RCOR1: variants seen among roughly 807,000 people sequenced by gnomAD.
RCOR1 encodes the protein REST corepressor.
In RCOR1, 12 loss-of-function variants were observed where a neutral mutation model predicts 64.0. The ratio of observed to expected loss-of-function variants is 0.19; its 90% CI spans 0.12 to 0.30. RCOR1 has a LOEUF of 0.30. Among genes scored for constraint, RCOR1 ranks in the 10% least tolerant of loss-of-function variants. RCOR1 has a pLI of 1.00. For synonymous variants in RCOR1, 279 were observed against 227.2 expected (o/e 1.23, Z -2.05); for missense variants, 502 against 621.2 (o/e 0.81, Z 2.04).
chr14:102,717,533 GATCTCACAGA>G (rs1367834369), intron 8 of RCOR1, among the ~76,000 whole-genome samples: 5 of 152,146 alleles, frequency 3.3e-5, no homozygotes, highest in Admixed American at 2.0e-4. Context: ...TGGCCTGCCT[GATCTCACAGA>G]ATATGTCTGG....
chr14:102,684,145 G>T (rs1045619975), intron 3 of RCOR1, among the ~76,000 whole-genome samples: 1 of 152,184 alleles, frequency 6.6e-6, no homozygotes, highest in African/African-American at 2.4e-5. Context: ...CAGCACCCCT[G>T]CCCCCAACCC....
At chr14:102,660,888 G>A (rs549285972) in intron 2 of RCOR1, among the ~76,000 whole-genome samples, 57 of 152,260 alleles carry the variant, frequency 3.7e-4, no homozygotes, top group African/African-American at 1.4e-3. Context: ...GGTGACTTGT[G>A]TAGATTACTA....
At chr14:102,673,631 G>A (rs1317955589) in intron 2 of RCOR1, among the ~76,000 whole-genome samples, 1 of 142,446 alleles carries the variant, frequency 7.0e-6, no homozygotes, top group Non-Finnish European at 1.5e-5. Flanking sequence ...CATGGCTCAC[G>A]TGAGACAGAG....
At chr14:102,681,322 AT>A (rs1448042194) in intron 2 of RCOR1, among the ~76,000 whole-genome samples, 2 of 152,180 alleles carry the variant, frequency 1.3e-5, no homozygotes, top group Admixed American at 1.3e-4. Flanking sequence ...TTCTGAAGAT[AT>A]GTGTATTGTA....
At chr14:102,621,566 A>G (rs1372077680) in intron 2 of RCOR1, among the ~76,000 whole-genome samples, 1 of 151,538 alleles carries the variant, frequency 6.6e-6, no homozygotes, top group South Asian at 2.1e-4. Context: ...CTGCTTTACT[A>G]TTTCATTTTT....
intron 2 of RCOR1, chr14:102,658,079 A>G (rs1183380171): frequency 2.9e-6 from 1 of 343,762 alleles, no homozygotes. Flanking sequence ...GGTTCAGGTG[A>G]TTCTCCTGCC....
intron 2 of RCOR1, among the ~76,000 whole-genome samples, chr14:102,652,520 T>C (rs1346965891): frequency 6.6e-6 from 1 of 152,214 alleles, no homozygotes. Flanking sequence ...TTGTTTCTTT[T>C]AAGCTTGCCT....
chr14:102,609,403 C>T (rs1343086607), intron 2 of RCOR1, among the ~76,000 whole-genome samples: 1 of 151,964 alleles, frequency 6.6e-6, no homozygotes, highest in Non-Finnish European at 1.5e-5. Flanking sequence ...CCATTTTATA[C>T]TCCATGATTA....
intron 4 of RCOR1, among the ~76,000 whole-genome samples, chr14:102,705,550 G>A (rs546482564): frequency 3.5e-4 from 54 of 152,242 alleles, no homozygotes; most frequent in African/African-American, 1.2e-3. Flanking sequence ...GCTCAGTCAA[G>A]CAGTCCTCCT....
chr14:102,651,861 G>A (rs978545488), intron 2 of RCOR1, among the ~76,000 whole-genome samples: 1 of 152,042 alleles, frequency 6.6e-6, no homozygotes, highest in Non-Finnish European at 1.5e-5. Flanking sequence ...GGCATGAGCC[G>A]TCATGCCTGG....
At position 102,592,900 on chromosome 14, in the gene RCOR1, TGGA is replaced by T; in HGVS notation, c.16_18del (p.Glu6del). 1 of 1,233,040 alleles carries T rather than the reference TGGA, an allele frequency of 8.1e-7. No homozygotes were observed. The highest frequency in any genetic ancestry group is 1.6e-5 in the African/African-American group (1 of 61,716). 76.4% of individuals were successfully genotyped at this position (1,233,040 alleles called of 1,614,324 possible). A position where few individuals can be genotyped will look rare whatever the true frequency, so the allele number is the denominator to read the frequency against. Reference sequence around the variant, plus strand: ...CGGCCCCCGCCGATGCCGGCCATGGTGGAGAAGGGCCCCGAGGTCTCAGGGAAG... The same window carrying T: ...CGGCCCCCGCCGATGCCGGCCATGGTGAAGGGCCCCGAGGTCTCAGGGAAG... On this transcript the variant is annotated inframe_deletion, in exon 1 of 12. Coordinates refer to ENST00000262241, the MANE Select transcript of RCOR1 (RefSeq NM_015156.4).
At chr14:102,624,581 C>G (rs1450862016) in intron 2 of RCOR1, among the ~76,000 whole-genome samples, 1 of 152,064 alleles carries the variant, frequency 6.6e-6, no homozygotes, top group African/African-American at 2.4e-5. Flanking sequence ...GCCTGGGCAA[C>G]CTGGTGAAAC....
In RCOR1 at chr14:102,609,505, TCTC is replaced by T. The variant is rs1326071201; in HGVS notation, c.361+16181_361+16183del. On this transcript the variant is annotated intron_variant, in intron 2 of 11. Transcript: ENST00000262241. ...TCCAGGCTGGAGTGCATTGGTGCGA[TCTC>T]GGCTCACTGCAGTTTCCGCCTTCCA... Among the ~76,000 whole-genome samples the T allele has an allele frequency of 2.0e-5, 3 of 152,280 alleles. No individual in the cohort carries two copies. In the East Asian group the frequency reaches 5.8e-4, roughly 29 times the overall value.
At chr14:102,607,064 G>A (rs1174737544) in intron 2 of RCOR1, among the ~76,000 whole-genome samples, 3 of 151,944 alleles carry the variant, frequency 2.0e-5, no homozygotes, top group Non-Finnish European at 4.4e-5. Context: ...CTCCCAAGTA[G>A]CTGGGATTAT....
chr14:102,714,671 G>T, intron 8 of RCOR1, 54 bp downstream of exon 8: 1 of 1,364,024 alleles, frequency 7.3e-7, no homozygotes, highest in Non-Finnish European at 1.0e-6. Context: ...CTTTAGAGGT[G>T]TTTCTGTTAT....
In RCOR1 at chr14:102,634,416, C is replaced by T. The variant is rs187367495; in HGVS notation, c.361+41091C>T. 3.3e-5 allele frequency among the ~76,000 whole-genome samples: 5 copies of T among 152,138 alleles called. No homozygotes were observed. The East Asian group carries it at 9.7e-4, about 29-fold the overall frequency. ...ACCAACCCGCAAAACCAAAACAGAT[C>T]TCTCCAAGCTTCGGCAGATTTGAGT... On this transcript the variant is annotated intron_variant, in intron 2 of 11. Coordinates refer to ENST00000262241, the MANE Select transcript of RCOR1 (RefSeq NM_015156.4).
rs1893161890 is a variant in RCOR1 at position 102,592,997 on chromosome 14, C to T, written c.111C>T (p.Ala37=). The change falls in exon 1 of 12, where the codon GCC becomes GCT. Residue 37 remains alanine, a synonymous_variant. Coordinates refer to ENST00000262241, the MANE Select transcript of RCOR1 (RefSeq NM_015156.4). ...CCGCCTCCGCCGCCGCCTCGGCCGC[C>T]TGCGCCTCGCCAGCCGCCACTGCCG... ...AAAASAAASA[A]CASPAATAAS... 6 of 1,180,412 alleles carry T rather than the reference C, an allele frequency of 5.1e-6. No individual in the cohort carries two copies. Among genetic ancestry groups the T allele is most frequent in the East Asian group, 4.2e-5 (1 of 23,960 alleles). 73.1% of individuals were successfully genotyped at this position (1,180,412 alleles called of 1,614,324 possible).
intron 2 of RCOR1, among the ~76,000 whole-genome samples, chr14:102,599,496 G>A (rs561972408): frequency 7.2e-5 from 11 of 152,084 alleles, no homozygotes; most frequent in African/African-American, 2.4e-4. Context: ...CTTCAGAGGC[G>A]TACATTGTTA....
At chr14:102,667,621 G>A (rs992093424) in intron 2 of RCOR1, among the ~76,000 whole-genome samples, 3 of 152,178 alleles carry the variant, frequency 2.0e-5, no homozygotes, top group African/African-American at 7.2e-5. Context: ...CTTTAAGACA[G>A]GACAAGATGA....
Sources: allele counts gnomAD v4.1 joint callset (sites outside exome capture counted in the v4.1 genomes callset), GRCh38; gene constraint gnomAD v4.1.1; transcripts MANE v1.5; gene names NCBI Gene and HGNC (gene_info 2026-07-23, HGNC 2026-07-21).